The following FSTL4 variants were observed in gnomAD, a reference collection of about 807,000 sequenced individuals.
FSTL4 encodes follistatin like 4, also known as follistatin-related protein 4.
Under a neutral mutation model 78.2 loss-of-function variants are expected in FSTL4, and 28 were observed. That is an observed-to-expected ratio of 0.36 (90% confidence interval 0.27 to 0.49). The LOEUF (loss-of-function observed/expected upper bound fraction) is 0.49, where lower values mean the gene tolerates loss of function less well. Among genes scored for constraint, FSTL4 ranks in the 20% least tolerant of loss-of-function variants. FSTL4 has a pLI of 0.98. For synonymous variants in FSTL4, 422 were observed against 440.5 expected, an observed-to-expected ratio of 0.96 and a Z score of 0.53; for missense variants, 922 against 1,084.9, an observed-to-expected ratio of 0.85 and a Z score of 2.11.
the FSTL4 span, among the ~76,000 whole-genome samples, chr5:133,783,185 C>T: frequency 8.7e-4 from 133 of 152,290 alleles, no homozygotes; most frequent in Admixed American, 2.9e-3. Context: ...TTCCAAAGAC[C>T]TCTGTGGCTT....
intron 4 of FSTL4, among the ~76,000 whole-genome samples, chr5:133,354,930 T>C (rs762651278): frequency 4.6e-5 from 7 of 152,252 alleles, no homozygotes; most frequent in Non-Finnish European, 8.8e-5. Context: ...AGGCCTGCTC[T>C]GTGCCTGCTG....
the FSTL4 span, among the ~76,000 whole-genome samples, chr5:133,646,262 T>C: frequency 7.2e-5 from 11 of 151,934 alleles, no homozygotes; most frequent in Non-Finnish European, 1.6e-4. Flanking sequence ...GCCATAGAAA[T>C]CTCTCAGGGA....
At chr5:133,692,001 A>T in the FSTL4 span, among the ~76,000 whole-genome samples, 2 of 152,228 alleles carry the variant, frequency 1.3e-5, no homozygotes, top group African/African-American at 4.8e-5. Flanking sequence ...TAGAATTTAC[A>T]GTCCAGAGGG....
At chr5:133,644,314 G>GTT in the FSTL4 span, among the ~76,000 whole-genome samples, 2 of 149,352 alleles carry the variant, frequency 1.3e-5, no homozygotes, top group African/African-American at 2.4e-5. Context: ...TTTTGTGTGT[G>GTT]TTTTTTTTTT....
Position 133,199,496 on chromosome 5 carries a change from A to C in FSTL4, c.2128T>G (p.Trp710Gly). The change falls in exon 16 of 16, where the codon TGG becomes GGG. Residue 710 changes from tryptophan (W) to glycine (G), a missense_variant. Coordinates refer to ENST00000265342, the MANE Select transcript of FSTL4 (RefSeq NM_015082.2). The surrounding 1 kb of genome is among the most constrained non-coding windows in gnomAD (Gnocchi z 4.4). The stretch of plus-strand genomic sequence containing the variant: ...ACTGTGATCTCCTGCACGTGCAGCC[A>C]GGGGCTGTCAGCTGCAGCACTGACT... ...FIVSAAADSPWLHVQEITVRG... is the reference protein window; with the variant it reads ...FIVSAAADSPGLHVQEITVRG... The C allele has an allele frequency of 6.2e-7, 1 of 1,614,206 alleles. No individual in the cohort carries two copies. Among genetic ancestry groups the C allele is most frequent in the Non-Finnish European group, 8.5e-7 (1 of 1,180,020 alleles).
chr5:133,794,300 C>T, the FSTL4 span, among the ~76,000 whole-genome samples: 3 of 152,206 alleles, frequency 2.0e-5, no homozygotes, highest in East Asian at 1.9e-4. Flanking sequence ...GACCCCACCA[C>T]GGTTACAGAC....
At chr5:133,342,422 A>T (rs750065903) in intron 4 of FSTL4, among the ~76,000 whole-genome samples, 4 of 152,222 alleles carry the variant, frequency 2.6e-5, no homozygotes, top group Non-Finnish European at 5.9e-5. Flanking sequence ...TGTGTCAATT[A>T]TCTCTGAACA....
intron 3 of FSTL4, among the ~76,000 whole-genome samples, chr5:133,558,457 G>A (rs573823683): frequency 3.3e-5 from 5 of 152,112 alleles, no homozygotes; most frequent in South Asian, 4.2e-4. Context: ...CACTGACTGC[G>A]CTCAGACCCC....
chr5:133,386,584 C>T (rs1313613049), intron 4 of FSTL4, among the ~76,000 whole-genome samples: 1 of 152,126 alleles, frequency 6.6e-6, no homozygotes, highest in Non-Finnish European at 1.5e-5. Context: ...CTGAGAACCA[C>T]AAAAGTTTTT....
intron 4 of FSTL4, among the ~76,000 whole-genome samples, chr5:133,373,531 G>T (rs1580658247): frequency 6.6e-6 from 1 of 152,226 alleles, no homozygotes; most frequent in Non-Finnish European, 1.5e-5. Flanking sequence ...GTGTGAACAG[G>T]CGGCAGCACC....
the FSTL4 span, among the ~76,000 whole-genome samples, chr5:133,747,347 C>T: frequency 2.6e-5 from 4 of 152,300 alleles, no homozygotes; most frequent in South Asian, 8.3e-4. Flanking sequence ...ACTACCCCAG[C>T]GAACCCAAAT....
intron 4 of FSTL4, among the ~76,000 whole-genome samples, chr5:133,329,311 T>A (rs1561674318): frequency 2.0e-5 from 3 of 152,132 alleles, no homozygotes; most frequent in Admixed American, 2.0e-4. Context: ...ATCCTGACCT[T>A]CACGGTACCA....
chr5:133,413,206 A>G (rs1364117663), intron 3 of FSTL4, among the ~76,000 whole-genome samples: 2 of 152,154 alleles, frequency 1.3e-5, no homozygotes, highest in African/African-American at 4.8e-5. Flanking sequence ...CTATATGACA[A>G]TACTGTATAT....
intron 3 of FSTL4, among the ~76,000 whole-genome samples, chr5:133,523,300 G>A (rs1021106405): frequency 6.6e-5 from 10 of 152,324 alleles, no homozygotes; most frequent in Middle Eastern, 3.4e-3. Flanking sequence ...AACTTCCGGT[G>A]TTGAAGCCAC....
At chr5:133,240,934 C>G (rs545208431) in intron 7 of FSTL4, among the ~76,000 whole-genome samples, 1 of 152,260 alleles carries the variant, frequency 6.6e-6, no homozygotes, top group East Asian at 1.9e-4. Context: ...ATAGGGGTCT[C>G]TTTATTTGCC....
rs1758786372 is a variant in FSTL4 at position 133,513,642 on chromosome 5, GCTT to G, written c.160+53541_160+53543del. ...ACATGGACAGACGGCAAGGACAAAGGCTTCTAAACATCCTGACTATTGGTCAGC... is the reference window on the plus strand; with the variant it reads ...ACATGGACAGACGGCAAGGACAAAGGCTAAACATCCTGACTATTGGTCAGC... On this transcript the variant is annotated intron_variant, in intron 3 of 15. Transcript: ENST00000265342. Among the ~76,000 whole-genome samples, 3 of 152,276 alleles carry G rather than the reference GCTT, an allele frequency of 2.0e-5. No homozygotes were observed. The East Asian group carries it at 5.8e-4, about 29-fold the overall frequency.
At position 133,201,989 on chromosome 5, in the gene FSTL4, A is replaced by G. The variant is rs2126760073; in HGVS notation, c.1770T>C (p.Phe590=). The change falls in exon 15 of 16, where the codon TTT becomes TTC. Residue 590 remains phenylalanine (F), a synonymous_variant. Transcript: ENST00000265342. ...GQSQHLIRTP[F]AGVDDFFIPP... is the part of the protein sequence containing the mutation. ...GAATGAAGAAATCATCCACTCCTGC[A>G]AAGGGTGTGCGGATGAGGTGCTGGC... 2 of 1,612,576 alleles carry G rather than the reference A, an allele frequency of 1.2e-6. No homozygotes were observed. The highest frequency in any genetic ancestry group is 3.3e-5 in the Admixed American group (2 of 59,932).
chr5:133,254,051 A>G (rs2126827542), intron 6 of FSTL4, among the ~76,000 whole-genome samples: 1 of 152,344 alleles, frequency 6.6e-6, no homozygotes, highest in South Asian at 2.1e-4. Context: ...TAGGTGAAGA[A>G]GATTGAAAGA....
chr5:133,224,215 A>G lies in FSTL4; in HGVS notation c.1314T>C (p.Leu438=). The G allele has an allele frequency of 6.2e-7, 1 of 1,612,474 alleles. No individual in the cohort carries two copies. Among genetic ancestry groups the G allele is most frequent in the Non-Finnish European group, 8.5e-7 (1 of 1,178,560 alleles). Residue 438 remains leucine, a splice_region_variant and synonymous_variant, in exon 11 of 16, where the codon CTT becomes CTC. Coordinates refer to ENST00000265342, the MANE Select transcript of FSTL4 (RefSeq NM_015082.2). ...LFIEDSARKT[L]ANILWREEGL... is the part of the protein sequence containing the mutation. The stretch of plus-strand genomic sequence containing the variant: ...CTTCCTCTCGCCACAGGATGTTTGC[A>G]ACTGCAGCAGCAGAGAATGAGGAAA...
Sources: allele counts gnomAD v4.1 joint callset (sites outside exome capture counted in the v4.1 genomes callset), GRCh38; gene constraint gnomAD v4.1.1; non-coding constraint Gnocchi (gnomAD v3.1); transcripts MANE v1.5; gene names NCBI Gene and HGNC (gene_info 2026-07-23, HGNC 2026-07-21).